NRP2: variants seen among roughly 807,000 people sequenced by gnomAD.
NRP2 encodes neuropilin 2.
NRP2 carries 52 observed loss-of-function variants against 110.4 expected under a neutral mutation model. The ratio of observed to expected loss-of-function variants is 0.47; its 90% CI spans 0.38 to 0.59. The LOEUF (loss-of-function observed/expected upper bound fraction) is 0.59, where lower values mean the gene tolerates loss of function less well. Among genes scored for constraint, NRP2 ranks in the 20% least tolerant of loss-of-function variants. The pLI, the probability that NRP2 is intolerant of heterozygous loss-of-function variation, is 0.00. For missense variants in NRP2, 1,049 were observed against 1,203.0 expected, an observed-to-expected ratio of 0.87 and a Z score of 1.89; for synonymous variants, 508 against 468.9, an observed-to-expected ratio of 1.08 and a Z score of -1.08.
intron 9 of NRP2, among the ~76,000 whole-genome samples, chr2:205,745,108 C>T (rs1309863283): frequency 1.3e-5 from 2 of 152,150 alleles, no homozygotes; most frequent in African/African-American, 4.8e-5. Flanking sequence ...TCCAAAGCAG[C>T]CCCCTGCTCC....
chr2:205,792,472 A>C (rs2058312808), intron 16 of NRP2, among the ~76,000 whole-genome samples, 187 bp downstream of exon 16: 1 of 152,264 alleles, frequency 6.6e-6, no homozygotes. Flanking sequence ...TTAGAGGTTT[A>C]GAAAGTTTAT....
At chr2:205,691,805 G>A (rs961119940) in intron 1 of NRP2, among the ~76,000 whole-genome samples, 30 of 152,206 alleles carry the variant, frequency 2.0e-4, no homozygotes, top group African/African-American at 4.1e-4. Context: ...ACATTATATC[G>A]GCTGCCCTAT....
At chr2:205,771,948 A>C (rs7581965) in intron 15 of NRP2, among the ~76,000 whole-genome samples, 151,981 of 152,356 alleles carry the variant, frequency 1, 75,804 homozygotes, top group Middle Eastern at 1. Flanking sequence ...GGATTTGGCC[A>C]ATAGGCCACA....
intron 8 of NRP2, among the ~76,000 whole-genome samples, chr2:205,741,317 G>A (rs849572): frequency 0.11 from 16,229 of 152,276 alleles, 1,166 homozygotes; most frequent in East Asian, 0.4. Context: ...AGACTTCTTT[G>A]AGGAGGTGAT....
chr2:205,751,994 A>T (rs905482582), intron 11 of NRP2, among the ~76,000 whole-genome samples: 8 of 152,174 alleles, frequency 5.3e-5, no homozygotes, highest in African/African-American at 1.9e-4. Context: ...GCTGGGTGGA[A>T]CCTCAGAAGA....
At position 205,763,317 on chromosome 2, in the gene NRP2, T is replaced by C. The variant is rs1057273806; in HGVS notation, c.2045-357T>C. ...GCCCTTTGGGTGAGTTAATGATGAA[T>C]AAGATGTGGGTCTGGCCTCTCAGAA... On this transcript the variant is annotated intron_variant, in intron 12 of 16. Coordinates refer to ENST00000357785, the MANE Select transcript of NRP2 (RefSeq NM_003872.3). This position sits in a 1 kb window ranked among gnomAD's most constrained non-coding sequence, Gnocchi z 4.0. Among the ~76,000 whole-genome samples, 11 of 151,622 alleles carry C rather than the reference T, an allele frequency of 7.3e-5. No homozygotes were observed. Among genetic ancestry groups the C allele is most frequent in the Non-Finnish European group, 1.5e-4 (10 of 67,956 alleles).
At chr2:205,749,098 G>A (rs1046128237) in intron 10 of NRP2, among the ~76,000 whole-genome samples, 25 of 152,316 alleles carry the variant, frequency 1.6e-4, no homozygotes, top group Admixed American at 2.0e-4. Flanking sequence ...TGGCCACACT[G>A]GGCCACCTCC....
chr2:205,752,239 G>A (rs1455158375), intron 11 of NRP2, among the ~76,000 whole-genome samples: 2 of 152,170 alleles, frequency 1.3e-5, no homozygotes, highest in Non-Finnish European at 2.9e-5. Flanking sequence ...ATTTCCCACC[G>A]GGCATACCTC....
intron 8 of NRP2, among the ~76,000 whole-genome samples, chr2:205,742,365 C>T (rs1006849188): frequency 6.6e-6 from 1 of 152,198 alleles, no homozygotes; most frequent in Non-Finnish European, 1.5e-5. Context: ...GTAGAACTTT[C>T]AGGCTACTGA....
At chr2:205,734,399 GC>G (rs201261642) in intron 7 of NRP2, among the ~76,000 whole-genome samples, 1,447 of 90,496 alleles carry the variant, frequency 0.016, 22 homozygotes, top group African/African-American at 0.054. Context: ...ATTTCCCACC[GC>G]CCCCCCCCAC....
intron 12 of NRP2, among the ~76,000 whole-genome samples, chr2:205,753,596 C>T (rs1330889685): frequency 1.3e-5 from 2 of 152,226 alleles, no homozygotes; most frequent in African/African-American, 4.8e-5. Flanking sequence ...TCTCCTGGCA[C>T]TGCTGACAAG....
chr2:205,753,505 C>T (rs1463466705), intron 12 of NRP2, among the ~76,000 whole-genome samples: 1 of 152,172 alleles, frequency 6.6e-6, no homozygotes, highest in Non-Finnish European at 1.5e-5. Context: ...GGCACTTGGC[C>T]TCTAGAAGAG....
intron 8 of NRP2, among the ~76,000 whole-genome samples, 154 bp from the exon 9 acceptor site, chr2:205,743,049 A>C (rs1350996651): frequency 2.0e-5 from 3 of 152,234 alleles, no homozygotes; most frequent in Admixed American, 2.0e-4. Context: ...CCAGGCTCTT[A>C]ACCACAGTGC....
chr2:205,781,463 T>C (rs1184068802), intron 15 of NRP2, among the ~76,000 whole-genome samples: 4 of 152,262 alleles, frequency 2.6e-5, no homozygotes, highest in Non-Finnish European at 5.9e-5. Flanking sequence ...CTAGCTCAGA[T>C]AACCGAAACC....
intron 1 of NRP2, among the ~76,000 whole-genome samples, chr2:205,684,286 A>G (rs1015358517): frequency 1.3e-5 from 2 of 152,164 alleles, no homozygotes; most frequent in African/African-American, 4.8e-5. Context: ...ACCACTCTCT[A>G]GAGTGAGCCT....
chr2:205,776,881 T>C, intron 15 of NRP2: 1 of 1,207,804 alleles, frequency 8.3e-7, no homozygotes, highest in South Asian at 1.7e-5. Flanking sequence ...CCATACCTCC[T>C]CTCAGTGGGC....
At chr2:205,709,128 T>C (rs377290469) in intron 2 of NRP2, among the ~76,000 whole-genome samples, 10 of 152,202 alleles carry the variant, frequency 6.6e-5, no homozygotes, top group African/African-American at 9.6e-5. Flanking sequence ...GTTTTGAACA[T>C]AGCCTGGGCT....
In NRP2 at chr2:205,727,963, G is replaced by T; in HGVS notation, c.1063G>T (p.Gly355Cys). 1 of 1,614,158 alleles carries T rather than the reference G, an allele frequency of 6.2e-7. No homozygotes were observed. The highest frequency in any genetic ancestry group is 8.5e-7 in the Non-Finnish European group (1 of 1,180,020). ...QGAISRETQNGYYVKSYKLEV... is the reference protein window; with the variant it reads ...QGAISRETQNCYYVKSYKLEV... ...AGCGATTTCCAGGGAAACACAGAATGGCTACTATGTCAAATCCTACAAGCT... is the reference window on the plus strand; with the variant it reads ...AGCGATTTCCAGGGAAACACAGAATTGCTACTATGTCAAATCCTACAAGCT... Residue 355 changes from glycine to cysteine, a missense_variant, in exon 7 of 17, where the codon GGC becomes TGC. Transcript: ENST00000357785.
chr2:205,751,428 A>G (rs1045334604), intron 11 of NRP2, among the ~76,000 whole-genome samples: 3 of 152,168 alleles, frequency 2.0e-5, no homozygotes, highest in Non-Finnish European at 2.9e-5. Flanking sequence ...ATTACTTCGT[A>G]TTTTTGAAGA....
Sources: allele counts gnomAD v4.1 joint callset (sites outside exome capture counted in the v4.1 genomes callset), GRCh38; gene constraint gnomAD v4.1.1; non-coding constraint Gnocchi (gnomAD v3.1); transcripts MANE v1.5; gene names NCBI Gene and HGNC (gene_info 2026-07-23, HGNC 2026-07-21).